Variants in NCAM1 observed in about 807,000 individuals in gnomAD.
The protein encoded by NCAM1 is antigen recognized by monoclonal antibody 5.1H11.
In NCAM1, 14 loss-of-function variants were observed where a neutral mutation model predicts 109.8. The observed-to-expected ratio is 0.13, with a 90% CI of 0.08 to 0.20. The LOEUF (loss-of-function observed/expected upper bound fraction) is 0.20. Ranked by LOEUF, NCAM1 falls within the 10% of genes least tolerant of loss-of-function variation. The pLI is 1.00. For synonymous variants in NCAM1, 418 were observed against 442.9 expected (o/e 0.94, Z 0.70); for missense variants, 774 against 1,109.9 (o/e 0.70, Z 4.30).
intron 17 of NCAM1, among the ~76,000 whole-genome samples, chr11:113,269,012 G>A (rs1026867081): frequency 2.6e-5 from 4 of 152,204 alleles, no homozygotes; most frequent in African/African-American, 9.6e-5. Flanking sequence ...TGTTCTGGAG[G>A]AAAGATGAAT....
chr11:113,201,466 A>T (rs1944058610), intron 1 of NCAM1, among the ~76,000 whole-genome samples: 1 of 152,212 alleles, frequency 6.6e-6, no homozygotes. Context: ...GGTTTACTTA[A>T]GAGAAGGAAA....
At chr11:113,085,585 A>C (rs1472915224) in intron 1 of NCAM1, among the ~76,000 whole-genome samples, 1 of 152,080 alleles carries the variant, frequency 6.6e-6, no homozygotes, top group Non-Finnish European at 1.5e-5. Flanking sequence ...GCCTCTCCTA[A>C]ATCTCTTCCC....
In NCAM1 at chr11:113,249,118, C is replaced by A. The variant is rs542957442; in HGVS notation, c.1828+2748C>A. Among the ~76,000 whole-genome samples the A allele has an allele frequency of 2.0e-4, 31 of 152,226 alleles. No homozygotes were observed. The South Asian group carries it at 6.2e-3, about 31-fold the overall frequency. On this transcript the variant is annotated intron_variant, in intron 15 of 19. Transcript: ENST00000316851. ...AGCCATTCATAATGATATTTTTTTT[C>A]TTTAGCTACTGACACTGACTCGTAC...
At chr11:113,248,445 G>A (rs1257106341) in intron 15 of NCAM1, among the ~76,000 whole-genome samples, 5 of 152,188 alleles carry the variant, frequency 3.3e-5, no homozygotes, top group East Asian at 1.9e-4. Flanking sequence ...AAAATCCATG[G>A]AGGAGAGCAA....
chr11:113,086,554 G>C (rs1939099836), intron 1 of NCAM1, among the ~76,000 whole-genome samples: 1 of 152,216 alleles, frequency 6.6e-6, no homozygotes, highest in Admixed American at 6.5e-5. Context: ...TTGCTTCGAA[G>C]TTCTTGTAAA....
chr11:112,965,595 C>G (rs1950710902), intron 1 of NCAM1, among the ~76,000 whole-genome samples: 1 of 152,150 alleles, frequency 6.6e-6, no homozygotes, highest in African/African-American at 2.4e-5. Context: ...TTATAGAGAG[C>G]ATTTTGTAAA....
At chr11:113,064,336 A>T (rs1354687083) in intron 1 of NCAM1, among the ~76,000 whole-genome samples, 2 of 152,236 alleles carry the variant, frequency 1.3e-5, no homozygotes, top group East Asian at 3.8e-4. Context: ...GACTAGTAAA[A>T]TTATGACTGC....
intron 12 of NCAM1, 94 bp downstream of exon 12, chr11:113,232,908 G>A: frequency 8.1e-7 from 1 of 1,237,346 alleles, no homozygotes; most frequent in Non-Finnish European, 1.2e-6. Context: ...CCAGGATATT[G>A]GGAAGAAGAA....
intron 1 of NCAM1, among the ~76,000 whole-genome samples, chr11:112,996,437 A>G (rs1555071432): frequency 2.0e-5 from 3 of 152,188 alleles, no homozygotes; most frequent in African/African-American, 7.2e-5. Flanking sequence ...AACATTGGTA[A>G]GGCATTCACT....
At chr11:113,236,287 C>G in intron 14 of NCAM1, 1 of 1,613,272 alleles carries the variant, frequency 6.2e-7, no homozygotes, top group Non-Finnish European at 8.5e-7. Flanking sequence ...GTGTTCCATC[C>G]ATGGGAAATG....
chr11:113,133,236 G>C (rs1406877107), intron 1 of NCAM1: 1 of 152,190 alleles, frequency 6.6e-6, no homozygotes, highest in African/African-American at 2.4e-5. Flanking sequence ...CTTATGAAGT[G>C]TGTCGCTGTG....
At chr11:113,014,620 G>T (rs750350) in intron 1 of NCAM1, among the ~76,000 whole-genome samples, 14,193 of 152,260 alleles carry the variant, frequency 0.093, 912 homozygotes, top group Non-Finnish European at 0.14. Flanking sequence ...CAACATAAGA[G>T]AAGTAGTTTG....
chr11:113,055,930 G>T (rs1482194778), intron 1 of NCAM1, among the ~76,000 whole-genome samples: 1 of 128,396 alleles, frequency 7.8e-6, no homozygotes, highest in Admixed American at 8.6e-5. Flanking sequence ...GTCAAGATAT[G>T]GAATGAAACT....
intron 1 of NCAM1, among the ~76,000 whole-genome samples, chr11:113,167,530 T>C (rs567377956): frequency 1.0e-5 from 1 of 96,656 alleles, no homozygotes; most frequent in East Asian, 3.5e-4. Flanking sequence ...AACGTGTTTT[T>C]TTTTTTTTTA....
Position 113,275,528 on chromosome 11 carries a change from C to A in NCAM1, c.*141C>A. The A allele has an allele frequency of 1.8e-6, 2 of 1,097,562 alleles. No individual in the cohort carries two copies. The highest frequency in any genetic ancestry group is 2.5e-6 in the Non-Finnish European group (2 of 796,888). 68.0% of individuals were successfully genotyped at this position (1,097,562 alleles called of 1,614,324 possible). ...CACACACATCTCATTTCTCTAGTGT[C>A]TTTTGCCTTTAAAAAAAACTAAACA... On this transcript the variant is annotated 3_prime_UTR_variant, in exon 20 of 20. Transcript: ENST00000316851.
At chr11:113,001,847 C>G (rs181664234) in intron 1 of NCAM1, among the ~76,000 whole-genome samples, 1 of 152,062 alleles carries the variant, frequency 6.6e-6, no homozygotes, top group East Asian at 1.9e-4. Flanking sequence ...TTAGACATGG[C>G]GGGATACAGG....
intron 1 of NCAM1, among the ~76,000 whole-genome samples, chr11:113,184,382 C>G (rs1401868447): frequency 6.6e-6 from 1 of 152,140 alleles, no homozygotes; most frequent in African/African-American, 2.4e-5. Flanking sequence ...GTTCCTTATA[C>G]CATGGAACAG....
intron 1 of NCAM1, among the ~76,000 whole-genome samples, chr11:113,099,600 C>T (rs1591323791): frequency 6.6e-6 from 1 of 152,334 alleles, no homozygotes; most frequent in East Asian, 1.9e-4. Flanking sequence ...AAATGACCAC[C>T]CAAAGCCATC....
chr11:112,970,240 C>A (rs782634154), intron 1 of NCAM1, among the ~76,000 whole-genome samples: 12 of 152,130 alleles, frequency 7.9e-5, no homozygotes, highest in Admixed American at 7.2e-4. Context: ...AGCAACTGAG[C>A]GTGTGCTGCC....
Sources: allele counts gnomAD v4.1 joint callset (sites outside exome capture counted in the v4.1 genomes callset), GRCh38; gene constraint gnomAD v4.1.1; transcripts MANE v1.5; gene names NCBI Gene and HGNC (gene_info 2026-07-23, HGNC 2026-07-21).